The following TUSC3 variants were observed in gnomAD, a reference collection of about 807,000 sequenced individuals.
TUSC3 encodes tumor suppressor candidate 3.
A neutral mutation model predicts 44.8 loss-of-function variants in TUSC3; 45 were observed. That is an observed-to-expected ratio of 1.00 (90% CI 0.79 to 1.29). TUSC3 has a LOEUF of 1.29. Ranked by LOEUF, TUSC3 falls within the 50% of genes most tolerant of loss-of-function variation. TUSC3 has a pLI of 0.00. For synonymous variants in TUSC3, 212 were observed against 152.9 expected, an observed-to-expected ratio of 1.39 and a Z score of -2.85; for missense variants, 519 against 437.9, an observed-to-expected ratio of 1.19 and a Z score of -1.65.
At chr8:15,536,200 T>C (rs770136699), upstream of TUSC3, among the ~76,000 whole-genome samples, 4 of 152,104 alleles carry the variant, frequency 2.6e-5, no homozygotes, top group Non-Finnish European at 5.9e-5. Context: ...GCAAGACAGC[T>C]AGCCTTGCTG....
At chr8:15,848,258 T>G in the TUSC3 span, among the ~76,000 whole-genome samples, 1 of 152,196 alleles carries the variant, frequency 6.6e-6, no homozygotes, top group Non-Finnish European at 1.5e-5. Flanking sequence ...CAGGTGGCCT[T>G]GGACTGATCC....
At chr8:15,687,526 T>C (rs960710697) in intron 6 of TUSC3, among the ~76,000 whole-genome samples, 10 of 152,226 alleles carry the variant, frequency 6.6e-5, no homozygotes, top group African/African-American at 2.4e-4. Flanking sequence ...GCATCTGTTG[T>C]TGCCGCTCAT....
chr8:15,807,140 A>G, the TUSC3 span: 2 of 979,486 alleles, frequency 2.0e-6, no homozygotes, highest in Middle Eastern at 2.1e-4. Context: ...TTTCAAGTCC[A>G]CTTGGCAAAG....
At chr8:15,637,647 T>G (rs564399559) in intron 2 of TUSC3, among the ~76,000 whole-genome samples, 3 of 152,276 alleles carry the variant, frequency 2.0e-5, no homozygotes. Context: ...CATTTGCTGC[T>G]TCTTAAAACT....
At chr8:15,779,517 C>T in the TUSC3 span, among the ~76,000 whole-genome samples, 1 of 152,188 alleles carries the variant, frequency 6.6e-6, no homozygotes, top group Non-Finnish European at 1.5e-5. Context: ...TAAACGTCGT[C>T]ACACTGCTAA....
chr8:15,555,276 ATTTTTTTTTTTTTTTTTTTTT>A (rs35757466), intron 1 of TUSC3, among the ~76,000 whole-genome samples: 2 of 44,890 alleles, frequency 4.5e-5, no homozygotes, highest in African/African-American at 1.1e-4. Flanking sequence ...TGCCAGGCTA[ATTTTTTTTTTTTTTTTTTTTT>A]TTTTTTTTTT....
chr8:15,819,640 T>G, the TUSC3 span, among the ~76,000 whole-genome samples: 22 of 152,244 alleles, frequency 1.4e-4, no homozygotes, highest in Non-Finnish European at 2.8e-4. Flanking sequence ...TGTAAGTCTT[T>G]TGATGCCTTG....
intron 1 of TUSC3, among the ~76,000 whole-genome samples, chr8:15,457,952 C>T (rs1307409920): frequency 6.6e-6 from 1 of 150,830 alleles, no homozygotes; most frequent in Admixed American, 6.6e-5. Context: ...AATCTTAATA[C>T]AATATTGAAT....
chr8:15,562,688 G>A (rs971296032), intron 1 of TUSC3, among the ~76,000 whole-genome samples: 1 of 152,200 alleles, frequency 6.6e-6, no homozygotes, highest in African/African-American at 2.4e-5. Context: ...GTAGGAAGGA[G>A]TTTCTTGTTT....
the TUSC3 span, among the ~76,000 whole-genome samples, chr8:15,808,134 G>C: frequency 4.6e-5 from 7 of 152,226 alleles, no homozygotes; most frequent in East Asian, 1.2e-3. Flanking sequence ...AGAGATTAGG[G>C]AAGCTTTGTT....
intron 1 of TUSC3, among the ~76,000 whole-genome samples, chr8:15,545,458 C>G (rs1263534014): frequency 6.6e-6 from 1 of 151,668 alleles, no homozygotes; most frequent in Non-Finnish European, 1.5e-5. Context: ...AGTAAACACT[C>G]ATTTTTCTGG....
intron 1 of TUSC3, among the ~76,000 whole-genome samples, chr8:15,559,446 G>T (rs1410869265): frequency 6.8e-6 from 1 of 147,614 alleles, no homozygotes; most frequent in East Asian, 2.0e-4. Flanking sequence ...TTTGGAATAG[G>T]TGTGGTGTGG....
At chr8:15,615,814 A>C (rs985439085) in intron 1 of TUSC3, among the ~76,000 whole-genome samples, 1 of 152,206 alleles carries the variant, frequency 6.6e-6, no homozygotes, top group African/African-American at 2.4e-5. Context: ...TACAAAAATG[A>C]GTTAAACCCA....
chr8:15,617,392 C>G (rs1805043989), intron 1 of TUSC3, among the ~76,000 whole-genome samples: 1 of 152,128 alleles, frequency 6.6e-6, no homozygotes. Context: ...CCCGCCTAGG[C>G]TTCCCAAAGT....
At chr8:15,648,297 T>C (rs1585190556) in intron 2 of TUSC3, among the ~76,000 whole-genome samples, 1 of 152,178 alleles carries the variant, frequency 6.6e-6, no homozygotes. Flanking sequence ...TATATGATAT[T>C]GTTTTTGTTT....
intron 2 of TUSC3, among the ~76,000 whole-genome samples, chr8:15,631,523 T>A (rs1217615060): frequency 6.6e-6 from 1 of 152,174 alleles, no homozygotes; most frequent in Non-Finnish European, 1.5e-5. Flanking sequence ...TAATTAGTAA[T>A]GTTTTGCCAC....
chr8:15,586,048 G>T (rs1025573019), intron 1 of TUSC3, among the ~76,000 whole-genome samples: 2 of 152,148 alleles, frequency 1.3e-5, no homozygotes, highest in Admixed American at 6.5e-5. Flanking sequence ...GGGGAACTAG[G>T]AGAGTATGGT....
chr8:15,793,008 G>T, the TUSC3 span, among the ~76,000 whole-genome samples: 1 of 151,978 alleles, frequency 6.6e-6, no homozygotes, highest in Admixed American at 6.6e-5. Context: ...AACAAAAATA[G>T]AACCAATGAG....
intron 2 of TUSC3, 133 bp from the exon 3 acceptor site, chr8:15,650,559 ATATTT>A (rs1335958017): frequency 5.9e-6 from 4 of 681,140 alleles, no homozygotes; most frequent in Admixed American, 2.5e-5. Context: ...TTAAAAAAAA[ATATTT>A]TAAAAACTAT....
Sources: gnomAD v4.1 joint callset for allele counts (sites outside exome capture counted in the v4.1 genomes callset) on GRCh38, gnomAD v4.1.1 for gene constraint, MANE v1.5 for transcripts, NCBI Gene and HGNC (gene_info 2026-07-23, HGNC 2026-07-21) for gene names.